The following NEK7 variants were observed in gnomAD, a reference collection of about 807,000 sequenced individuals.
The protein encoded by NEK7 is serine/threonine-protein kinase Nek7.
Under a neutral mutation model 44.6 loss-of-function variants are expected in NEK7, and 18 were observed. That is an observed-to-expected ratio of 0.40 (90% CI 0.28 to 0.60). NEK7 has a LOEUF of 0.60. NEK7 is among the 20% of genes least tolerant of loss of function. The probability of loss-of-function intolerance (pLI) is 0.38; values close to 1 mark genes in which losing one functional copy is unlikely to be tolerated. For synonymous variants in NEK7, 130 were observed against 121.1 expected, an observed-to-expected ratio of 1.07 and a Z score of -0.48; for missense variants, 256 against 366.5, an observed-to-expected ratio of 0.70 and a Z score of 2.46.
At chr1:198,169,518 TC>T (rs1664370874) in intron 1 of NEK7, among the ~76,000 whole-genome samples, 1 of 151,856 alleles carries the variant, frequency 6.6e-6, no homozygotes, top group South Asian at 2.1e-4. Flanking sequence ...CACTTGATCC[TC>T]ACCTGGCTTT....
In NEK7 at chr1:198,322,000, G is replaced by T. The variant is rs770713896; in HGVS notation, c.*2478G>T. The T allele has an allele frequency of 4.6e-5, 7 of 152,002 alleles. No homozygotes were observed. The highest frequency in any genetic ancestry group is 7.4e-5 in the Non-Finnish European group (5 of 67,954). 9.4% of individuals were successfully genotyped at this position (152,002 alleles called of 1,614,324 possible). A position where few individuals can be genotyped will look rare whatever the true frequency, so the allele number is the denominator to read the frequency against. On this transcript the variant is annotated 3_prime_UTR_variant, in exon 10 of 10. Coordinates refer to ENST00000367385, the MANE Select transcript of NEK7 (RefSeq NM_133494.3). ...AAGGTTTAGGAATGGTGGATGAAGG[G>T]TATCTCTATATAAATAAAGTGCTCA...
At chr1:198,216,675 C>T (rs1184971829) in intron 1 of NEK7, among the ~76,000 whole-genome samples, 3 of 151,556 alleles carry the variant, frequency 2.0e-5, no homozygotes, top group Non-Finnish European at 4.4e-5. Context: ...TAAACAAAAT[C>T]GATAGGCCAC....
intron 5 of NEK7, among the ~76,000 whole-genome samples, chr1:198,268,156 T>A (rs1049973125): frequency 6.6e-6 from 1 of 151,844 alleles, no homozygotes; most frequent in African/African-American, 2.4e-5. Flanking sequence ...TTTTTTTTTT[T>A]AATGTTCTTA....
At chr1:198,245,730 A>C (rs1478967346) in intron 2 of NEK7, among the ~76,000 whole-genome samples, 1 of 152,180 alleles carries the variant, frequency 6.6e-6, no homozygotes, top group Non-Finnish European at 1.5e-5. Context: ...TTTTACTTCC[A>C]TAAAAGTTGA....
chr1:198,284,366 G>A (rs1256479328), intron 7 of NEK7, among the ~76,000 whole-genome samples: 1 of 152,106 alleles, frequency 6.6e-6, no homozygotes, highest in East Asian at 1.9e-4. Flanking sequence ...TTGTTACATT[G>A]CTTAGGAGCC....
chr1:198,227,228 A>G (rs879586945), intron 1 of NEK7, among the ~76,000 whole-genome samples: 44 of 152,118 alleles, frequency 2.9e-4, no homozygotes, highest in Non-Finnish European at 5.3e-4. Flanking sequence ...ATAGTATTTC[A>G]TGGTGTATAT....
At chr1:198,217,874 A>G (rs1665969498) in intron 1 of NEK7, among the ~76,000 whole-genome samples, 1 of 151,500 alleles carries the variant, frequency 6.6e-6, no homozygotes, top group African/African-American at 2.4e-5. Flanking sequence ...GCCTAGGAAT[A>G]TACTTAACCA....
rs532830502 is a variant in NEK7, at chr1:198,308,981, C to T, written c.799-10431C>T. Among the ~76,000 whole-genome samples, 15 of 152,254 alleles carry T rather than the reference C, an allele frequency of 9.9e-5. 2 individuals carry two copies. The South Asian group carries it at 2.9e-3, about 29-fold the overall frequency. On this transcript the variant is annotated intron_variant, in intron 9 of 9. Transcript: ENST00000367385. ...CATTCAGCAAGCCAGTGAGCACTTACTGTTCATCCGGTATCCATCCTCTAG... is the reference window on the plus strand; with the variant it reads ...CATTCAGCAAGCCAGTGAGCACTTATTGTTCATCCGGTATCCATCCTCTAG...
intron 1 of NEK7, among the ~76,000 whole-genome samples, chr1:198,211,131 A>G (rs1183049393): frequency 1.3e-5 from 2 of 152,194 alleles, no homozygotes; most frequent in African/African-American, 2.4e-5. Flanking sequence ...ACTCTGCTTT[A>G]TGAAGAGAAC....
intron 7 of NEK7, among the ~76,000 whole-genome samples, chr1:198,286,443 A>G (rs1488228670): frequency 6.8e-6 from 1 of 146,318 alleles, no homozygotes; most frequent in African/African-American, 2.5e-5. Flanking sequence ...TTTTTGAACC[A>G]TATGCATTTT....
chr1:198,292,197 T>C (rs1654580113), intron 7 of NEK7, among the ~76,000 whole-genome samples: 1 of 152,012 alleles, frequency 6.6e-6, no homozygotes, highest in Non-Finnish European at 1.5e-5. Flanking sequence ...ATATATGCTT[T>C]TGTTTATTTT....
At chr1:198,285,310 A>G (rs1654333429) in intron 7 of NEK7, among the ~76,000 whole-genome samples, 2 of 152,182 alleles carry the variant, frequency 1.3e-5, no homozygotes, top group Admixed American at 1.3e-4. Flanking sequence ...TTAGAGACAG[A>G]CTACATACAT....
chr1:198,232,617 G>C lies in NEK7; in HGVS notation c.37G>C (p.Val13Leu). Residue 13 changes from valine (V) to leucine (L), a missense_variant, in exon 2 of 10, where the codon GTT becomes CTT. By Grantham distance (32) the Val-to-Leu change is conservative (BLOSUM62 1). Coordinates refer to ENST00000367385, the MANE Select transcript of NEK7 (RefSeq NM_133494.3). ...ATCACAAGGAATGCAAGGGCCACCT[G>C]TTCCTCAGTTCCAACCACAGGTAAT... ...EQSQGMQGPPVPQFQPQKALR... is the reference protein window; with the variant it reads ...EQSQGMQGPPLPQFQPQKALR... 1 of 1,601,908 alleles carries C rather than the reference G, an allele frequency of 6.2e-7. No homozygotes were observed. The highest frequency in any genetic ancestry group is 8.6e-7 in the Non-Finnish European group (1 of 1,169,196).
chr1:198,212,227 G>A (rs1354025374), intron 1 of NEK7, among the ~76,000 whole-genome samples: 1 of 152,122 alleles, frequency 6.6e-6, no homozygotes, highest in Non-Finnish European at 1.5e-5. Context: ...ATGAGCAAAC[G>A]AAAGGTGTGC....
intron 1 of NEK7, among the ~76,000 whole-genome samples, chr1:198,221,460 GT>G (rs950875461): frequency 1.3e-5 from 2 of 151,018 alleles, no homozygotes; most frequent in Non-Finnish European, 3.0e-5. Context: ...CAATTATAAA[GT>G]TTTTTTGACA....
chr1:198,254,182 ATCTGGTATAT>A (rs1199241594), intron 3 of NEK7, among the ~76,000 whole-genome samples: 1 of 152,070 alleles, frequency 6.6e-6, no homozygotes, highest in Non-Finnish European at 1.5e-5. Context: ...AAAAGGTTTT[ATCTGGTATAT>A]GTGTTAGATG....
intron 9 of NEK7, among the ~76,000 whole-genome samples, chr1:198,314,723 G>T (rs1031233870): frequency 6.6e-6 from 1 of 152,186 alleles, no homozygotes; most frequent in African/African-American, 2.4e-5. Context: ...CTGCAGGGGG[G>T]TGCCTCCCAG....
At chr1:198,264,888 T>C (rs1653598019) in intron 5 of NEK7, among the ~76,000 whole-genome samples, 1 of 152,090 alleles carries the variant, frequency 6.6e-6, no homozygotes, top group Admixed American at 6.6e-5. Flanking sequence ...TAATAGAACC[T>C]ACTTTATAGG....
intron 2 of NEK7, among the ~76,000 whole-genome samples, chr1:198,242,391 CTTTCTTTTTCT>C (rs1297413988): frequency 1.5e-5 from 2 of 135,670 alleles, no homozygotes; most frequent in African/African-American, 2.9e-5. Context: ...ACCTCTTTTT[CTTTCTTTTTCT>C]TTTTTTTTTT....
Sources: gnomAD v4.1 joint callset for allele counts (sites outside exome capture counted in the v4.1 genomes callset) on GRCh38, gnomAD v4.1.1 for gene constraint, MANE v1.5 for transcripts, NCBI Gene and HGNC (gene_info 2026-07-23, HGNC 2026-07-21) for gene names.